RIMBP2: variants seen among roughly 807,000 people sequenced by gnomAD.
The protein encoded by RIMBP2 is RIMS binding protein 2.
Under a neutral mutation model 118.6 loss-of-function variants are expected in RIMBP2, and 48 were observed. The ratio of observed to expected loss-of-function variants is 0.40; its 90% confidence interval spans 0.32 to 0.51. The LOEUF is 0.51. Ranked by LOEUF, RIMBP2 falls within the 20% of genes least tolerant of loss-of-function variation. The pLI is 0.41. For missense variants in RIMBP2, 1,551 were observed against 1,768.3 expected, an observed-to-expected ratio of 0.88 and a Z score of 2.20; for synonymous variants, 762 against 742.9, an observed-to-expected ratio of 1.03 and a Z score of -0.42.
intron 1 of RIMBP2, among the ~76,000 whole-genome samples, chr12:130,693,292 G>A (rs948598324): frequency 3.3e-5 from 5 of 152,168 alleles, no homozygotes; most frequent in African/African-American, 1.2e-4. Context: ...AAAGGCACAG[G>A]GCCATCTCTC....
chr12:130,504,172 G>GTAGT (rs2138748465), intron 4 of RIMBP2, among the ~76,000 whole-genome samples: 1 of 152,244 alleles, frequency 6.6e-6, no homozygotes, highest in Admixed American at 6.5e-5. Flanking sequence ...ACTACATCCC[G>GTAGT]TTCACAATTC....
intron 2 of RIMBP2, among the ~76,000 whole-genome samples, chr12:130,624,247 A>T (rs912786444): frequency 1.3e-5 from 2 of 152,230 alleles, no homozygotes; most frequent in African/African-American, 4.8e-5. Context: ...TATAGGACAG[A>T]GTTTCACATA....
At chr12:130,598,922 G>T (rs1270234653) in intron 2 of RIMBP2, among the ~76,000 whole-genome samples, 1 of 152,072 alleles carries the variant, frequency 6.6e-6, no homozygotes, top group African/African-American at 2.4e-5. Flanking sequence ...ACTCAGCGTG[G>T]CCTCAAACTT....
intron 1 of RIMBP2, among the ~76,000 whole-genome samples, chr12:130,671,995 A>T (rs1411259316): frequency 6.6e-6 from 1 of 152,198 alleles, no homozygotes; most frequent in Non-Finnish European, 1.5e-5. Context: ...ATATTTGCGT[A>T]CGTGTTCCTG....
chr12:130,698,986 A>C (rs1287417121), intron 1 of RIMBP2, among the ~76,000 whole-genome samples: 1 of 152,212 alleles, frequency 6.6e-6, no homozygotes, highest in East Asian at 1.9e-4. Context: ...AAAAATGCTC[A>C]TCATCACTGG....
chr12:130,440,913 A>C (rs1049645383), intron 11 of RIMBP2, among the ~76,000 whole-genome samples: 7 of 152,126 alleles, frequency 4.6e-5, no homozygotes, highest in Non-Finnish European at 1.0e-4. Flanking sequence ...CCAGTAACTC[A>C]GCAGCACTGG....
At chr12:130,470,845 T>C in intron 5 of RIMBP2, 102 bp from the exon 6 acceptor site, 1 of 563,064 alleles carries the variant, frequency 1.8e-6, no homozygotes, top group Non-Finnish European at 2.6e-6. Context: ...CATTTATTTT[T>C]ATTCCTCTAA....
chr12:130,535,758 T>TATAC (rs2054005878), intron 2 of RIMBP2, among the ~76,000 whole-genome samples: 1 of 63,336 alleles, frequency 1.6e-5, no homozygotes, highest in African/African-American at 4.3e-5. Context: ...TATATATATA[T>TATAC]ATATATATAT....
In RIMBP2 at chr12:130,647,348, G is replaced by A. The variant is rs1197079921; in HGVS notation, c.-351-18892C>T. On this transcript the variant is annotated intron_variant, in intron 1 of 22. Coordinates refer to ENST00000690449, the MANE Select transcript of RIMBP2 (RefSeq NM_001393629.1). ...ACTGCACTCCAGCCTAGGTGACAAAGCAAGACTGTCTCAAAAAAACCAACA... is the reference window on the plus strand; with the variant it reads ...ACTGCACTCCAGCCTAGGTGACAAAACAAGACTGTCTCAAAAAAACCAACA... Among the ~76,000 whole-genome samples the A allele has an allele frequency of 2.0e-5, 3 of 152,138 alleles. No homozygotes were observed. The East Asian group carries it at 5.8e-4, about 29-fold the overall frequency.
In RIMBP2 at chr12:130,665,490, G is replaced by T. The variant is rs1056335858; in HGVS notation, c.-351-37034C>A. Among the ~76,000 whole-genome samples, 3 of 151,000 alleles carry T rather than the reference G, an allele frequency of 2.0e-5. No individual in the cohort carries two copies. In the East Asian group the frequency reaches 5.8e-4, roughly 29 times the overall value. ...AATTGAGCTGAGATCGTACCACAGC[G>T]AGCCGAGATCACGCCACTGCACTCC... On this transcript the variant is annotated intron_variant, in intron 1 of 22. Transcript: ENST00000690449.
At chr12:130,512,064 G>C (rs760741815) in intron 3 of RIMBP2, among the ~76,000 whole-genome samples, 1 of 152,200 alleles carries the variant, frequency 6.6e-6, no homozygotes, top group African/African-American at 2.4e-5. Flanking sequence ...ATCCCACCTG[G>C]ATAGAGGACT....
chr12:130,522,989 G>A (rs79839751), intron 2 of RIMBP2, among the ~76,000 whole-genome samples: 3 of 151,524 alleles, frequency 2.0e-5, no homozygotes, highest in East Asian at 3.9e-4. Flanking sequence ...ACTCTGCCTC[G>A]GTTTTAGTTT....
chr12:130,483,555 G>C (rs920557539), intron 4 of RIMBP2, among the ~76,000 whole-genome samples: 3 of 152,134 alleles, frequency 2.0e-5, no homozygotes, highest in Non-Finnish European at 4.4e-5. Context: ...CACCAAGATG[G>C]TGCTAAACAA....
chr12:130,438,764 G>A (rs1280262202), intron 11 of RIMBP2, among the ~76,000 whole-genome samples: 2 of 152,094 alleles, frequency 1.3e-5, no homozygotes. Flanking sequence ...ACCATCTTCT[G>A]GGAAATGCAA....
chr12:130,502,107 G>C (rs1414906436), intron 4 of RIMBP2, among the ~76,000 whole-genome samples: 1 of 152,158 alleles, frequency 6.6e-6, no homozygotes, highest in Non-Finnish European at 1.5e-5. Context: ...GATGGAGGAG[G>C]GGAGAGCAAG....
intron 2 of RIMBP2, among the ~76,000 whole-genome samples, chr12:130,574,284 C>T (rs1305762869): frequency 3.3e-5 from 5 of 152,004 alleles, no homozygotes; most frequent in East Asian, 3.9e-4. Flanking sequence ...TGGCGGTGGG[C>T]GGTGACATCC....
chr12:130,574,096 C>T (rs1005271505), intron 2 of RIMBP2, among the ~76,000 whole-genome samples: 1 of 152,068 alleles, frequency 6.6e-6, no homozygotes, highest in Non-Finnish European at 1.5e-5. Flanking sequence ...TACTTTCCCC[C>T]CTTCAGAGGG....
rs762960181 is a variant in RIMBP2 at position 130,451,338 on chromosome 12, G to A, written c.361C>T (p.Gln121Ter). ...GAGCTGCCTCCAATAGCGCTCTCCT[G>A]ACCTGGCCACGAACATTAAAACAAG... The part of the protein sequence containing the change: ...NGLATSLGKG[Q>*]ESAIGGSSAI... The change falls in exon 8 of 23, where the codon CAG becomes TAG. Residue 121 changes from glutamine to a stop codon, truncating the protein, a stop_gained and splice_region_variant. Coordinates refer to ENST00000690449, the MANE Select transcript of RIMBP2 (RefSeq NM_001393629.1). LOFTEE classifies it high-confidence loss of function. 6.2e-7 allele frequency: 1 copy of A among 1,603,340 alleles called. No homozygotes were observed.
chr12:130,529,830 C>T (rs1318638341), intron 2 of RIMBP2, among the ~76,000 whole-genome samples: 2 of 152,046 alleles, frequency 1.3e-5, no homozygotes. Flanking sequence ...AAGGAGTGTG[C>T]AAACTAGATC....
Sources: gnomAD v4.1 joint callset for allele counts (sites outside exome capture counted in the v4.1 genomes callset) on GRCh38, gnomAD v4.1.1 for gene constraint, MANE v1.5 for transcripts, NCBI Gene and HGNC (gene_info 2026-07-23, HGNC 2026-07-21) for gene names.